ADARB1: variants seen among roughly 807,000 people sequenced by gnomAD.
ADARB1 encodes adenosine deaminase RNA specific B1, also known as double-stranded RNA-specific editase 1.
Under a neutral mutation model 52.4 loss-of-function variants are expected in ADARB1, and 10 were observed. The ratio of observed to expected loss-of-function variants is 0.19; its 90% CI spans 0.12 to 0.32. The LOEUF (loss-of-function observed/expected upper bound fraction) is 0.32, where lower values mean the gene tolerates loss of function less well. Among genes scored for constraint, ADARB1 ranks in the 10% least tolerant of loss-of-function variants. The pLI is 1.00. For synonymous variants in ADARB1, 349 were observed against 371.1 expected (o/e 0.94, Z 0.68); for missense variants, 643 against 922.3 (o/e 0.70, Z 3.92).
chr21:45,184,657 C>T, intron 7 of ADARB1: 1 of 352,144 alleles, frequency 2.8e-6, no homozygotes, highest in East Asian at 6.6e-5. Flanking sequence ...CACCATGTTG[C>T]CCAGGCTGGT....
chr21:45,088,434 G>A (rs1460302464), intron 1 of ADARB1, among the ~76,000 whole-genome samples: 1 of 152,164 alleles, frequency 6.6e-6, no homozygotes, highest in Admixed American at 6.5e-5. Flanking sequence ...GATAGTATAG[G>A]TGTATAATCT....
chr21:45,119,822 C>T (rs537967101), intron 1 of ADARB1, among the ~76,000 whole-genome samples: 124 of 152,298 alleles, frequency 8.1e-4, no homozygotes, highest in Non-Finnish European at 1.6e-3. Flanking sequence ...GGTATATACC[C>T]AGACAGCCCA....
chr21:45,191,880 A>ATTTTTTTTTTTTTTT (rs777269104), intron 8 of ADARB1, among the ~76,000 whole-genome samples: 2 of 15,744 alleles, frequency 1.3e-4, no homozygotes, highest in Non-Finnish European at 2.9e-4. Context: ...ATATATATAT[A>ATTTTTTTTTTTTTTT]TTTTTTTTTT....
chr21:45,222,131 C>T lies in ADARB1; in HGVS notation c.2040C>T (p.Ile680=), dbSNP rs1462530139. The change falls in exon 11 of 11, where the codon ATC becomes ATT. Residue 680 remains isoleucine (I), a synonymous_variant. Coordinates refer to ENST00000348831, the MANE Select transcript of ADARB1 (RefSeq NM_001112.4). ...AAKARLFTAF[I]KAGLGAWVEK... is the part of the protein sequence containing the mutation. ...AGGCGCGTCTGTTCACAGCCTTCAT[C>T]AAGGCGGGGCTGGGGGCCTGGGTGG... 1 of 1,611,152 alleles carries T rather than the reference C, an allele frequency of 6.2e-7. No homozygotes were observed. Among genetic ancestry groups the T allele is most frequent in the East Asian group, 2.2e-5 (1 of 44,830 alleles).
At chr21:45,149,577 T>C (rs796075495) in intron 2 of ADARB1, among the ~76,000 whole-genome samples, 7 of 152,376 alleles carry the variant, frequency 4.6e-5, no homozygotes, top group African/African-American at 1.7e-4. Flanking sequence ...TGAATTAATG[T>C]TGGCAAAATA....
intron 2 of ADARB1, chr21:45,133,609 C>A: frequency 4.7e-6 from 1 of 213,830 alleles, no homozygotes; most frequent in Non-Finnish European, 9.5e-6. Flanking sequence ...ACCCCAGGGG[C>A]AGGATGCTAA....
intron 9 of ADARB1, among the ~76,000 whole-genome samples, chr21:45,207,564 G>A (rs771120006): frequency 2.6e-5 from 4 of 152,186 alleles, no homozygotes; most frequent in Admixed American, 6.5e-5. Flanking sequence ...TTAAAAATGG[G>A]TCCCAAAGCA....
At chr21:45,087,555 C>T (rs547071964) in intron 1 of ADARB1, among the ~76,000 whole-genome samples, 1 of 151,878 alleles carries the variant, frequency 6.6e-6, no homozygotes, top group East Asian at 1.9e-4. Flanking sequence ...GGAGTGGGTG[C>T]CAGGTCATAG....
chr21:45,135,744 G>GA (rs138682865), intron 2 of ADARB1, among the ~76,000 whole-genome samples: 2,821 of 152,056 alleles, frequency 0.019, 35 homozygotes, highest in South Asian at 0.054. Context: ...AGAAAAATTG[G>GA]AAAAAAAACA....
Position 45,195,980 on chromosome 21 carries a change from C to G in ADARB1, c.1566-8575C>G, listed in dbSNP as rs150591722. On this transcript the variant is annotated intron_variant, in intron 8 of 10. Coordinates refer to ENST00000348831, the MANE Select transcript of ADARB1 (RefSeq NM_001112.4). ...TATTGATTGGGATTGTGTTGAATCT[C>G]TATGTCAAGTTGGACAGAACCAACG... 4.6e-5 allele frequency among the ~76,000 whole-genome samples: 7 copies of G among 152,288 alleles called. No homozygotes were observed. The East Asian group carries it at 1.2e-3, about 25-fold the overall frequency.
rs183445886 is a variant in ADARB1 at position 45,198,021 on chromosome 21, T to G, written c.1566-6534T>G. ...CTTTAAGCGTGTGCAGTTTATTGTA[T>G]GTCAGTTGTACCGCAGTAACTCCAG... is the stretch of plus-strand genomic sequence containing the variant. On this transcript the variant is annotated intron_variant, in intron 8 of 10. Transcript: ENST00000348831. Among the ~76,000 whole-genome samples the G allele has an allele frequency of 3.3e-5, 5 of 152,214 alleles. No individual in the cohort carries two copies. In the South Asian group the frequency reaches 1.1e-3, roughly 32 times the overall value.
In ADARB1 at chr21:45,151,440, T is replaced by C. The variant is rs192155927; in HGVS notation, c.-47-20170T>C. On this transcript the variant is annotated intron_variant, in intron 2 of 10. Transcript: ENST00000348831. ...TGGTCATTATTAGGAAAAGGTACTT[T>C]GTTACACGAGACAGTAATTGCATTG... Among the ~76,000 whole-genome samples the C allele has an allele frequency of 3.9e-5, 6 of 152,362 alleles. No individual in the cohort carries two copies. The East Asian group carries it at 1.2e-3, about 29-fold the overall frequency.
chr21:45,201,797 G>C (rs1465417683), intron 8 of ADARB1, among the ~76,000 whole-genome samples: 3 of 151,756 alleles, frequency 2.0e-5, no homozygotes, highest in Non-Finnish European at 4.4e-5. Flanking sequence ...GGGCTTGGGC[G>C]GCAGGGAAGG....
chr21:45,196,240 G>A lies in ADARB1; in HGVS notation c.1566-8315G>A, dbSNP rs531579542. ...GACCAAGGCACAAAGGCAATTCAGT[G>A]GAGAAAGAATAGTCTTTTCAACAGT... On this transcript the variant is annotated intron_variant, in intron 8 of 10. Coordinates refer to ENST00000348831, the MANE Select transcript of ADARB1 (RefSeq NM_001112.4). Among the ~76,000 whole-genome samples the A allele has an allele frequency of 2.6e-5, 4 of 152,052 alleles. No individual in the cohort carries two copies. In the East Asian group the frequency reaches 7.7e-4, roughly 29 times the overall value.
chr21:45,125,070 G>C (rs1421621863), intron 1 of ADARB1, among the ~76,000 whole-genome samples: 1 of 152,174 alleles, frequency 6.6e-6, no homozygotes, highest in African/African-American at 2.4e-5. Context: ...GTGCTGGGAT[G>C]ACAGACGTGA....
intron 1 of ADARB1, among the ~76,000 whole-genome samples, chr21:45,109,819 A>G (rs2087453090): frequency 6.6e-6 from 1 of 152,126 alleles, no homozygotes; most frequent in Non-Finnish European, 1.5e-5. Flanking sequence ...AAAATCATGT[A>G]TTTGCTCCTG....
rs1249961291 is a variant in ADARB1, at chr21:45,175,830, T to C, written c.129T>C (p.Asn43=). 1.2e-6 allele frequency: 2 copies of C among 1,613,962 alleles called. No homozygotes were observed. The highest frequency in any genetic ancestry group is 2.2e-5 in the East Asian group (1 of 44,880). ...PGPGEGSQLS[N]GGGGGPGRKR... ...CTGGCGAGGGCTCTCAGCTCTCCAA[T>C]GGGGGTGGTGGTGGCCCCGGCAGAA... is the stretch of plus-strand genomic sequence containing the variant. The change falls in exon 4 of 11, where the codon AAT becomes AAC. Residue 43 remains asparagine, a synonymous_variant. Coordinates refer to ENST00000348831, the MANE Select transcript of ADARB1 (RefSeq NM_001112.4).
intron 2 of ADARB1, among the ~76,000 whole-genome samples, chr21:45,147,276 T>G (rs1356121924): frequency 1.3e-5 from 2 of 152,260 alleles, no homozygotes; most frequent in Non-Finnish European, 2.9e-5. Flanking sequence ...GAATTTCTAC[T>G]ATAAAATAGG....
intron 1 of ADARB1, among the ~76,000 whole-genome samples, chr21:45,095,565 T>C (rs2086724686): frequency 6.6e-6 from 1 of 151,228 alleles, no homozygotes; most frequent in African/African-American, 2.4e-5. Context: ...TCCTGCTGTT[T>C]CAGGGTTCTG....
Sources: gnomAD v4.1 joint callset for allele counts (sites outside exome capture counted in the v4.1 genomes callset) on GRCh38, gnomAD v4.1.1 for gene constraint, MANE v1.5 for transcripts, NCBI Gene and HGNC (gene_info 2026-07-23, HGNC 2026-07-21) for gene names.